RMDN2: variants seen among roughly 807,000 people sequenced by gnomAD.
RMDN2 encodes the protein regulator of microtubule dynamics 2.
Under a neutral mutation model 52.8 loss-of-function variants are expected in RMDN2, and 61 were observed. That is an observed-to-expected ratio of 1.16 (90% confidence interval 0.94 to 1.43). RMDN2 has a LOEUF of 1.43. Among genes scored for constraint, RMDN2 ranks in the 40% most tolerant of loss-of-function variants. RMDN2 has a pLI of 0.00. For synonymous variants in RMDN2, 180 were observed against 153.1 expected (o/e 1.18, Z -1.30); for missense variants, 592 against 475.3 (o/e 1.25, Z -2.28).
chr2:38,009,009 C>A (rs1677535733), intron 10 of RMDN2, among the ~76,000 whole-genome samples: 2 of 152,174 alleles, frequency 1.3e-5, no homozygotes, highest in South Asian at 4.1e-4. Context: ...AAATTCTTTT[C>A]TTTAAGAATG....
At chr2:37,939,793 A>C (rs1184677234) in intron 2 of RMDN2, among the ~76,000 whole-genome samples, 2 of 152,108 alleles carry the variant, frequency 1.3e-5, no homozygotes, top group Admixed American at 6.5e-5. Context: ...TTTGCATGTG[A>C]GATGGGTCCC....
chr2:37,939,219 T>C (rs139023739), intron 2 of RMDN2, among the ~76,000 whole-genome samples: 3 of 152,246 alleles, frequency 2.0e-5, no homozygotes, highest in Non-Finnish European at 4.4e-5. Flanking sequence ...GTGAGTTTCT[T>C]AATCCTGAGT....
chr2:37,999,660 C>T (rs565394056), intron 8 of RMDN2, among the ~76,000 whole-genome samples: 2 of 152,260 alleles, frequency 1.3e-5, no homozygotes, highest in Non-Finnish European at 2.9e-5. Context: ...GAAAGGGAAA[C>T]AGCACAGACC....
chr2:38,020,577 G>A (rs188603058), downstream of RMDN2, among the ~76,000 whole-genome samples: 35 of 152,340 alleles, frequency 2.3e-4, no homozygotes, highest in East Asian at 6.6e-3. Flanking sequence ...TTCCGGGTGG[G>A]CGTGGGCTTG....
chr2:38,044,625 G>A (rs1271307936), intron 10 of RMDN2, among the ~76,000 whole-genome samples: 1 of 149,374 alleles, frequency 6.7e-6, no homozygotes, highest in Non-Finnish European at 1.5e-5. Flanking sequence ...TGAAGTTTCT[G>A]TTGACATGTC....
At chr2:38,019,786 G>A (rs76139090), downstream of RMDN2, among the ~76,000 whole-genome samples, 12,905 of 151,974 alleles carry the variant, frequency 0.085, 648 homozygotes, top group African/African-American at 0.13. Flanking sequence ...TTAGCTGAGC[G>A]TGGTGGTGCA....
intron 10 of RMDN2, among the ~76,000 whole-genome samples, chr2:38,047,388 C>T (rs1475025488): frequency 4.6e-5 from 7 of 152,094 alleles, no homozygotes; most frequent in African/African-American, 1.7e-4. Context: ...CAATTAGTGA[C>T]ATTAAAAAAG....
intron 2 of RMDN2, among the ~76,000 whole-genome samples, chr2:37,932,896 G>A (rs1400666013): frequency 4.5e-4 from 67 of 149,700 alleles, no homozygotes; most frequent in African/African-American, 1.5e-3. Flanking sequence ...CGGACGGGGC[G>A]GCTGGCCGGG....
At chr2:37,987,980 AC>A (rs1674262827) in intron 5 of RMDN2, among the ~76,000 whole-genome samples, 1 of 152,152 alleles carries the variant, frequency 6.6e-6, no homozygotes, top group African/African-American at 2.4e-5. Context: ...AATTGCTTGA[AC>A]CTGGGAGGCA....
At chr2:38,007,405 G>C (rs1325021849) in intron 10 of RMDN2, among the ~76,000 whole-genome samples, 1 of 152,204 alleles carries the variant, frequency 6.6e-6, no homozygotes, top group Non-Finnish European at 1.5e-5. Flanking sequence ...TCTGTTAAGA[G>C]ATTCAACTTC....
intron 10 of RMDN2, among the ~76,000 whole-genome samples, chr2:38,005,180 G>A (rs2125197679): frequency 6.6e-6 from 1 of 152,314 alleles, no homozygotes; most frequent in South Asian, 2.1e-4. Context: ...TGTCTTTAAA[G>A]CAGCATGATT....
At chr2:37,932,943 G>A (rs1226784467) in intron 2 of RMDN2, among the ~76,000 whole-genome samples, 1 of 151,530 alleles carries the variant, frequency 6.6e-6, no homozygotes, top group Non-Finnish European at 1.5e-5. Flanking sequence ...CCCGGACGAG[G>A]TGGCTGCCGG....
At chr2:37,997,578 C>T in intron 8 of RMDN2, 64 bp downstream of exon 8, 1 of 1,065,044 alleles carries the variant, frequency 9.4e-7, no homozygotes. Context: ...ATCCCTGCTG[C>T]CGTTGTCAAG....
intron 2 of RMDN2, among the ~76,000 whole-genome samples, chr2:37,954,650 T>C (rs1289249349): frequency 6.6e-6 from 1 of 152,140 alleles, no homozygotes; most frequent in Non-Finnish European, 1.5e-5. Context: ...CCTCCAACTT[T>C]GTTTTTATTT....
At chr2:38,046,196 G>A (rs1646630914) in intron 10 of RMDN2, among the ~76,000 whole-genome samples, 1 of 152,106 alleles carries the variant, frequency 6.6e-6, no homozygotes, top group Non-Finnish European at 1.5e-5. Context: ...AAAGTCTGGG[G>A]CAGACTTGTA....
intron 5 of RMDN2, among the ~76,000 whole-genome samples, chr2:37,987,054 G>C (rs1229405334): frequency 6.6e-6 from 1 of 151,866 alleles, no homozygotes; most frequent in African/African-American, 2.4e-5. Flanking sequence ...CAAAGACAAT[G>C]ATATGATTGT....
chr2:37,943,536 A>G (rs995077566), intron 2 of RMDN2, among the ~76,000 whole-genome samples: 4 of 152,228 alleles, frequency 2.6e-5, no homozygotes, highest in African/African-American at 4.8e-5. Flanking sequence ...GAAAGATGAG[A>G]TAATAAAGTT....
chr2:38,025,664 G>GT (rs925636159), intron 10 of RMDN2, among the ~76,000 whole-genome samples: 5 of 151,520 alleles, frequency 3.3e-5, no homozygotes, highest in Admixed American at 6.6e-5. Flanking sequence ...ATTTTGCTGA[G>GT]TTTTTTTTAT....
chr2:38,014,079 G>A (rs1678393448), intron 10 of RMDN2, among the ~76,000 whole-genome samples: 1 of 152,222 alleles, frequency 6.6e-6, no homozygotes, highest in African/African-American at 2.4e-5. Context: ...GGGCGTGGTG[G>A]CACATGCCTA....
Sources: gnomAD v4.1 joint callset for allele counts (sites outside exome capture counted in the v4.1 genomes callset) on GRCh38, gnomAD v4.1.1 for gene constraint, MANE v1.5 for transcripts, NCBI Gene and HGNC (gene_info 2026-07-23, HGNC 2026-07-21) for gene names.